Variants in BNIP2 observed in about 807,000 individuals in gnomAD.
BNIP2 encodes the protein BCL2 interacting protein 2.
BNIP2 carries 36 observed loss-of-function variants against 43.4 expected under a neutral mutation model. The observed-to-expected ratio is 0.83, with a 90% CI of 0.64 to 1.10. BNIP2 has a LOEUF of 1.10. BNIP2 is among the 50% of genes least tolerant of loss of function. BNIP2 has a pLI of 0.00. For missense variants in BNIP2, 417 were observed against 374.1 expected (o/e 1.11, Z -0.95); for synonymous variants, 146 against 121.0 (o/e 1.21, Z -1.35).
At chr15:59,670,240 G>C (rs1254652119) in intron 7 of BNIP2, among the ~76,000 whole-genome samples, 3 of 152,144 alleles carry the variant, frequency 2.0e-5, no homozygotes, top group Non-Finnish European at 4.4e-5. Context: ...GAACCAGCCT[G>C]GGCAACATGT....
chr15:59,672,334 C>G (rs1296797809), intron 6 of BNIP2: 2 of 212,630 alleles, frequency 9.4e-6, no homozygotes, highest in African/African-American at 4.6e-5. Flanking sequence ...AGTGCAGTGG[C>G]AAAATCACAG....
intron 9 of BNIP2, 42 bp downstream of exon 9, chr15:59,668,849 AT>A (rs1182546744): frequency 1.3e-6 from 2 of 1,508,876 alleles, no homozygotes; most frequent in Non-Finnish European, 1.8e-6. Context: ...GCACATCAAA[AT>A]GTTAAGATCC....
At chr15:59,677,575 T>G (rs1460367314) in intron 5 of BNIP2, among the ~76,000 whole-genome samples, 2 of 152,198 alleles carry the variant, frequency 1.3e-5, no homozygotes, top group African/African-American at 4.8e-5. Context: ...TGACACAGTA[T>G]GTCAAAAGTA....
intron 4 of BNIP2, chr15:59,678,738 T>C (rs1436257985): frequency 7.8e-6 from 10 of 1,287,482 alleles, no homozygotes; most frequent in African/African-American, 3.1e-5. Context: ...TTCAGTATTA[T>C]AGTCCTTACC....
rs936325524 is a variant in BNIP2 at position 59,662,633 on chromosome 15, A to G, written c.*1436T>C. On this transcript the variant is annotated 3_prime_UTR_variant, in exon 10 of 10. Transcript: ENST00000607373. ...ATGGTCACAGCCACATGTGTGTTCAATCTAGGATAGACTAAATCTTGAAAG... is the reference window on the plus strand; with the variant it reads ...ATGGTCACAGCCACATGTGTGTTCAGTCTAGGATAGACTAAATCTTGAAAG... 2.6e-5 allele frequency: 4 copies of G among 152,262 alleles called. No homozygotes were observed. Among genetic ancestry groups the G allele is most frequent in the African/African-American group, 9.6e-5 (4 of 41,462 alleles). The allele number at this position is 152,262 out of a possible 1,614,324, so 9.4% of individuals were successfully genotyped here. A position where few individuals can be genotyped will look rare whatever the true frequency, so the allele number is the denominator to read the frequency against.
chr15:59,686,545 C>T lies in BNIP2; in HGVS notation c.-58+2590G>A, dbSNP rs141694733. 4.7e-3 allele frequency among the ~76,000 whole-genome samples: 710 copies of T among 152,198 alleles called. 4 individuals carry two copies. Among genetic ancestry groups the T allele is most frequent in the African/African-American group, 0.016 (649 of 41,504 alleles). On this transcript the variant is annotated intron_variant, in intron 1 of 9. Transcript: ENST00000607373. ...AGGCAGATGGAAACGCCCGGGCAAG[C>T]CTTTCACTTCCCCATTTAAACAAAA...
chr15:59,671,455 G>T, intron 6 of BNIP2, 141 bp from the exon 7 acceptor site: 1 of 592,702 alleles, frequency 1.7e-6, no homozygotes, highest in Non-Finnish European at 2.7e-6. Context: ...GCATTAGCTA[G>T]TATTACGATT....
chr15:59,682,564 C>T (rs1241707310), intron 1 of BNIP2, 50 bp from the exon 2 acceptor site: 3 of 1,424,610 alleles, frequency 2.1e-6, no homozygotes, highest in Non-Finnish European at 2.9e-6. Flanking sequence ...ACTTTTTATC[C>T]ACTGAAAAGG....
In BNIP2 at chr15:59,659,594, G is replaced by A. The variant is rs1263398925; in HGVS notation, c.*4475C>T. The A allele has an allele frequency of 1.3e-5, 2 of 152,132 alleles. No homozygotes were observed. The highest frequency in any genetic ancestry group is 2.4e-5 in the African/African-American group (1 of 41,440). 9.4% of individuals were successfully genotyped at this position (152,132 alleles called of 1,614,324 possible). On this transcript the variant is annotated 3_prime_UTR_variant, in exon 10 of 10. Transcript: ENST00000607373. ...ACAAATAAACAAGCAACTGTTAAAC[G>A]GACATTAAACTTTACAAAGTCCACA...
intron 1 of BNIP2, among the ~76,000 whole-genome samples, chr15:59,688,092 T>C (rs553958904): frequency 1.3e-5 from 2 of 152,344 alleles, no homozygotes; most frequent in African/African-American, 4.8e-5. Flanking sequence ...GGATCTGTCA[T>C]ACTTCCGGTC....
intron 5 of BNIP2, 102 bp from the exon 6 acceptor site, chr15:59,672,841 T>G: frequency 1.3e-6 from 1 of 761,714 alleles, no homozygotes; most frequent in South Asian, 2.0e-5. Flanking sequence ...GAGTTTACTT[T>G]TCACAGATTT....
intron 1 of BNIP2, chr15:59,688,727 C>T: frequency 1.3e-6 from 2 of 1,535,700 alleles, no homozygotes; most frequent in Non-Finnish European, 1.7e-6. Context: ...GGTTACGAGG[C>T]ATACCAGAAG....
chr15:59,680,108 A>T (rs1893566043), intron 3 of BNIP2, 133 bp downstream of exon 3: 1 of 760,174 alleles, frequency 1.3e-6, no homozygotes, highest in African/African-American at 1.8e-5. Flanking sequence ...TGCTTTCCTC[A>T]ATGTTCAACT....
chr15:59,660,188 G>C lies in BNIP2; in HGVS notation c.*3881C>G, dbSNP rs1467669623. The C allele has an allele frequency of 6.6e-6, 1 of 152,118 alleles. No homozygotes were observed. Among genetic ancestry groups the C allele is most frequent in the African/African-American group, 2.4e-5 (1 of 41,418 alleles). 9.4% of individuals were successfully genotyped at this position (152,118 alleles called of 1,614,324 possible). On this transcript the variant is annotated 3_prime_UTR_variant, in exon 10 of 10. Coordinates refer to ENST00000607373, the MANE Select transcript of BNIP2 (RefSeq NM_004330.4). ...ACACAATTCCTATGACCTATAACAA[G>C]ACCAGACCTATTTTAACAGCAAAAT... is the stretch of plus-strand genomic sequence containing the variant.
At position 59,663,787 on chromosome 15, in the gene BNIP2, A is replaced by G. The variant is rs951071127; in HGVS notation, c.*282T>C. 1.8e-4 allele frequency: 45 copies of G among 256,800 alleles called. No homozygotes were observed. The highest frequency in any genetic ancestry group is 5.1e-5 in the Non-Finnish European group (7 of 137,470). The allele number at this position is 256,800 out of a possible 1,614,324, so 15.9% of individuals were successfully genotyped here. The stretch of plus-strand genomic sequence containing the variant: ...AAGAAGATGCATCATTCAATAAACA[A>G]ATGCAAAAACTACTTTATATAAAGT... On this transcript the variant is annotated 3_prime_UTR_variant, in exon 10 of 10. Coordinates refer to ENST00000607373, the MANE Select transcript of BNIP2 (RefSeq NM_004330.4).
At chr15:59,665,978 G>A (rs1892545083) in intron 9 of BNIP2, among the ~76,000 whole-genome samples, 2 of 83,368 alleles carry the variant, frequency 2.4e-5, no homozygotes, top group African/African-American at 1.1e-4. Flanking sequence ...AATTTGGAAT[G>A]TATTTCTGAT....
At position 59,671,102 on chromosome 15, in the gene BNIP2, T is replaced by C. The variant is rs966116886; in HGVS notation, c.707+81A>G. 5 of 1,115,088 alleles carry C rather than the reference T, an allele frequency of 4.5e-6. No individual in the cohort carries two copies. In the East Asian group the frequency reaches 1.2e-4, roughly 26 times the overall value. The allele number at this position is 1,115,088 out of a possible 1,614,324, so 69.1% of individuals were successfully genotyped here. On this transcript the variant is annotated intron_variant, in intron 7 of 9. Transcript: ENST00000607373. ...AAAAAAAAAAGTTAAAAAAAAAAAA[T>C]AGCAACGAAAAACAAAGTTTGATTT...
rs928883210 is a variant in BNIP2, at chr15:59,659,273, A to G, written c.*4796T>C. On this transcript the variant is annotated 3_prime_UTR_variant, in exon 10 of 10. Coordinates refer to ENST00000607373, the MANE Select transcript of BNIP2 (RefSeq NM_004330.4). The stretch of plus-strand genomic sequence containing the variant: ...ACATCTCCTTAGTAAATCATGACCA[A>G]CTCTGGTATTTCTTACAGGGACCAC... The G allele has an allele frequency of 8.5e-5, 13 of 152,212 alleles. No homozygotes were observed. Among genetic ancestry groups the G allele is most frequent in the African/African-American group, 3.1e-4 (13 of 41,448 alleles). The allele number at this position is 152,212 out of a possible 1,614,324, so 9.4% of individuals were successfully genotyped here. A position where few individuals can be genotyped will look rare whatever the true frequency, so the allele number is the denominator to read the frequency against.
intron 5 of BNIP2, among the ~76,000 whole-genome samples, chr15:59,674,106 AC>A (rs200925570): frequency 1.1e-4 from 17 of 149,968 alleles, no homozygotes; most frequent in South Asian, 2.1e-4. Context: ...AAAAACAAAA[AC>A]AAAAACAAAA....
Sources: allele counts gnomAD v4.1 joint callset (sites outside exome capture counted in the v4.1 genomes callset), GRCh38; gene constraint gnomAD v4.1.1; transcripts MANE v1.5; gene names NCBI Gene and HGNC (gene_info 2026-07-23, HGNC 2026-07-21).